DSCAM: variants seen among roughly 807,000 people sequenced by gnomAD.
DSCAM encodes cell adhesion molecule DSCAM.
In DSCAM, 47 loss-of-function variants were observed where a neutral mutation model predicts 217.7. The ratio of observed to expected loss-of-function variants is 0.22; its 90% CI spans 0.17 to 0.28. The LOEUF (loss-of-function observed/expected upper bound fraction) is 0.28. Among genes scored for constraint, DSCAM ranks in the 10% least tolerant of loss-of-function variants. DSCAM has a pLI of 1.00. For missense variants in DSCAM, 2,080 were observed against 2,618.3 expected (o/e 0.79, Z 4.49); for synonymous variants, 1,056 against 1,015.3 (o/e 1.04, Z -0.76).
At chr21:40,302,177 T>C (rs767598001) in intron 9 of DSCAM, among the ~76,000 whole-genome samples, 2 of 152,314 alleles carry the variant, frequency 1.3e-5, no homozygotes, top group South Asian at 2.1e-4. Context: ...TGTTTTCCAA[T>C]AGATCATGAT....
chr21:40,785,494 A>G (rs1371675128), intron 1 of DSCAM, among the ~76,000 whole-genome samples: 4 of 152,246 alleles, frequency 2.6e-5, no homozygotes, highest in African/African-American at 4.8e-5. Flanking sequence ...ATAGCAGTAC[A>G]GACTTTTAAC....
intron 1 of DSCAM, among the ~76,000 whole-genome samples, chr21:40,802,220 A>G (rs569991121): frequency 6.6e-6 from 1 of 152,336 alleles, no homozygotes; most frequent in South Asian, 2.1e-4. Context: ...CAAGCTTTAC[A>G]ATTAATGTCT....
chr21:40,620,898 G>A (rs2146299147), intron 3 of DSCAM, among the ~76,000 whole-genome samples: 1 of 152,310 alleles, frequency 6.6e-6, no homozygotes, highest in East Asian at 1.9e-4. Flanking sequence ...ATTTATACAA[G>A]GGAATACGAC....
intron 3 of DSCAM, among the ~76,000 whole-genome samples, chr21:40,682,426 A>G (rs1175687241): frequency 6.6e-6 from 1 of 151,866 alleles, no homozygotes; most frequent in Non-Finnish European, 1.5e-5. Context: ...GTAGTTGGAT[A>G]CAAACCAAAG....
chr21:40,406,587 T>TTTTG (rs1312637232), intron 3 of DSCAM, among the ~76,000 whole-genome samples: 5 of 151,896 alleles, frequency 3.3e-5, no homozygotes, highest in Non-Finnish European at 5.9e-5. Context: ...TGTAAAACGT[T>TTTTG]TTTGTTTGTT....
intron 3 of DSCAM, among the ~76,000 whole-genome samples, chr21:40,445,382 T>G (rs1262804568): frequency 1.3e-5 from 2 of 152,230 alleles, no homozygotes; most frequent in Admixed American, 6.5e-5. Context: ...ACTGGTGACT[T>G]AAGTGAGTCG....
chr21:40,108,890 G>A (rs1355900877), intron 20 of DSCAM, among the ~76,000 whole-genome samples: 8 of 152,120 alleles, frequency 5.3e-5, no homozygotes, highest in Non-Finnish European at 1.0e-4. Context: ...ACAAAAACAA[G>A]CAATGGGGAA....
intron 11 of DSCAM, among the ~76,000 whole-genome samples, chr21:40,200,968 A>G (rs899283983): frequency 1.2e-3 from 177 of 152,370 alleles, no homozygotes; most frequent in African/African-American, 4.0e-3. Flanking sequence ...TCTAATCCTT[A>G]TAAAGAAAAT....
chr21:40,365,184 A>G (rs1490343904), intron 4 of DSCAM, among the ~76,000 whole-genome samples: 1 of 152,132 alleles, frequency 6.6e-6, no homozygotes, highest in Non-Finnish European at 1.5e-5. Context: ...AAAGGAGATT[A>G]ACATTTGAGT....
chr21:40,671,766 A>G (rs2090278608), intron 3 of DSCAM, among the ~76,000 whole-genome samples: 1 of 152,090 alleles, frequency 6.6e-6, no homozygotes, highest in African/African-American at 2.4e-5. Flanking sequence ...ATGAACTGAC[A>G]TTAGACTACA....
intron 3 of DSCAM, among the ~76,000 whole-genome samples, chr21:40,619,478 T>C (rs769978390): frequency 8.5e-5 from 13 of 152,180 alleles, no homozygotes; most frequent in Non-Finnish European, 1.5e-4. Flanking sequence ...TTCATATTTC[T>C]CCATTTTGTT....
At chr21:40,797,469 C>G (rs570997107) in intron 1 of DSCAM, among the ~76,000 whole-genome samples, 2 of 152,310 alleles carry the variant, frequency 1.3e-5, no homozygotes, top group Admixed American at 6.5e-5. Flanking sequence ...ATTTGAGACA[C>G]ATTCTCCCCA....
chr21:40,492,877 A>G (rs1048371312), intron 3 of DSCAM, among the ~76,000 whole-genome samples: 1 of 152,164 alleles, frequency 6.6e-6, no homozygotes, highest in Non-Finnish European at 1.5e-5. Context: ...CAGGTACAGA[A>G]AAGTCAAAAT....
chr21:40,178,452 T>C lies in DSCAM; in HGVS notation c.2947+475A>G, dbSNP rs140573365. Among the ~76,000 whole-genome samples the C allele has an allele frequency of 6.7e-3, 1,016 of 152,320 alleles. 16 individuals carry two copies. Among genetic ancestry groups the C allele is most frequent in the African/African-American group, 0.024 (982 of 41,564 alleles). On this transcript the variant is annotated intron_variant, in intron 15 of 32. Transcript: ENST00000400454. ...AGAGCAAAAACATTATTTTTAAATATTGATGTTTCTAGTCAATAAAATAAT... is the reference window on the plus strand; with the variant it reads ...AGAGCAAAAACATTATTTTTAAATACTGATGTTTCTAGTCAATAAAATAAT...
intron 3 of DSCAM, among the ~76,000 whole-genome samples, chr21:40,523,826 C>T (rs969270371): frequency 6.6e-6 from 1 of 152,040 alleles, no homozygotes; most frequent in African/African-American, 2.4e-5. Context: ...CACACTGGGG[C>T]CTCAGGAGCT....
chr21:40,025,760 C>T (rs2088367467), intron 32 of DSCAM, among the ~76,000 whole-genome samples: 1 of 150,454 alleles, frequency 6.6e-6, no homozygotes, highest in Non-Finnish European at 1.5e-5. Context: ...ATTCTTCTCT[C>T]TTTTTCTCTT....
chr21:40,104,701 G>T (rs1478613300), intron 20 of DSCAM, among the ~76,000 whole-genome samples: 1 of 152,092 alleles, frequency 6.6e-6, no homozygotes, highest in Non-Finnish European at 1.5e-5. Flanking sequence ...TATGAACACT[G>T]GCTAATAATG....
At chr21:40,409,073 A>G (rs2075301575) in intron 3 of DSCAM, among the ~76,000 whole-genome samples, 1 of 152,236 alleles carries the variant, frequency 6.6e-6, no homozygotes, top group African/African-American at 2.4e-5. Flanking sequence ...CATTAAGCCT[A>G]AAGAATAATT....
chr21:40,036,812 T>C (rs1323606181), intron 32 of DSCAM, among the ~76,000 whole-genome samples: 2 of 147,892 alleles, frequency 1.4e-5, no homozygotes, highest in African/African-American at 5.3e-5. Context: ...AAAAAGCTTA[T>C]CCACCATGAT....
Sources: gnomAD v4.1 joint callset for allele counts (sites outside exome capture counted in the v4.1 genomes callset) on GRCh38, gnomAD v4.1.1 for gene constraint, MANE v1.5 for transcripts, NCBI Gene and HGNC (gene_info 2026-07-23, HGNC 2026-07-21) for gene names.